Variants in KCNK10 observed in about 807,000 individuals in gnomAD.
KCNK10 encodes the protein potassium two pore domain channel subfamily K member 10, also known as potassium channel subfamily K member 10.
KCNK10 carries 25 observed loss-of-function variants against 47.7 expected under a neutral mutation model. That is an observed-to-expected ratio of 0.52 (90% confidence interval 0.38 to 0.73). KCNK10 has a LOEUF of 0.73. Ranked by LOEUF, KCNK10 falls within the 30% of genes least tolerant of loss-of-function variation. The pLI, the probability that KCNK10 is intolerant of heterozygous loss-of-function variation, is 0.00. For synonymous variants in KCNK10, 303 were observed against 285.6 expected (o/e 1.06, Z -0.61); for missense variants, 563 against 714.5 (o/e 0.79, Z 2.42).
intron 1 of KCNK10, among the ~76,000 whole-genome samples, chr14:88,304,049 T>A (rs1888159775): frequency 6.6e-6 from 1 of 152,088 alleles, no homozygotes; most frequent in Non-Finnish European, 1.5e-5. Flanking sequence ...GAACACACGT[T>A]TAATAAATAT....
chr14:88,293,458 G>A (rs1402274196), intron 1 of KCNK10, among the ~76,000 whole-genome samples: 1 of 152,112 alleles, frequency 6.6e-6, no homozygotes, highest in Non-Finnish European at 1.5e-5. Context: ...CAGTCCACAA[G>A]CCTAGGAATC....
rs963803377 is a variant in KCNK10, at chr14:88,180,541, G to A, written c.*4994C>T. The stretch of plus-strand genomic sequence containing the variant: ...TGCAGCATAGGTCTGCTGAATCGAC[G>A]GAGCAGGAGTCCTCTCAAAATAATT... On this transcript the variant is annotated 3_prime_UTR_variant, in exon 7 of 7. Transcript: ENST00000319231. The A allele has an allele frequency of 9.7e-5, 34 of 349,208 alleles. No homozygotes were observed. Among genetic ancestry groups the A allele is most frequent in the African/African-American group, 6.1e-4 (29 of 47,390 alleles). 21.6% of individuals were successfully genotyped at this position (349,208 alleles called of 1,614,324 possible).
chr14:88,238,641 T>G (rs1046231724), intron 3 of KCNK10, among the ~76,000 whole-genome samples: 1 of 152,166 alleles, frequency 6.6e-6, no homozygotes, highest in Non-Finnish European at 1.5e-5. Context: ...ACCACTGCAC[T>G]CCTGCGTGGG....
At chr14:88,325,020 C>T (rs780873701), upstream of KCNK10, among the ~76,000 whole-genome samples, 1 of 152,144 alleles carries the variant, frequency 6.6e-6, no homozygotes, top group Admixed American at 6.5e-5. Context: ...AGGCAGGTTC[C>T]CGGGTGCTTC....
chr14:88,244,127 G>C (rs1453434737), intron 2 of KCNK10, among the ~76,000 whole-genome samples: 1 of 152,028 alleles, frequency 6.6e-6, no homozygotes, highest in African/African-American at 2.4e-5. Context: ...CTGAGAATGA[G>C]GTTTGATTTT....
intron 3 of KCNK10, among the ~76,000 whole-genome samples, chr14:88,228,655 G>A (rs1029763938): frequency 2.0e-5 from 3 of 152,130 alleles, no homozygotes; most frequent in Admixed American, 6.5e-5. Context: ...ATAAAAAAAC[G>A]TTGATGGTTA....
rs1566724928 is a variant in KCNK10, at chr14:88,323,250, A to T, written c.-452T>A. 23 of 988,692 alleles carry T rather than the reference A, an allele frequency of 2.3e-5. No homozygotes were observed. The highest frequency in any genetic ancestry group is 2.6e-5 in the Non-Finnish European group (22 of 832,318). 61.2% of individuals were successfully genotyped at this position (988,692 alleles called of 1,614,324 possible). ...CTCCCGCACACACACACCCGCACAC[A>T]CACTCCCGGGCGCGCGCTTGGGCGG... On this transcript the variant is annotated 5_prime_UTR_variant, in exon 1 of 7. Transcript: ENST00000319231.
chr14:88,215,089 T>C (rs1300027612), intron 4 of KCNK10, among the ~76,000 whole-genome samples: 2 of 152,116 alleles, frequency 1.3e-5, no homozygotes, highest in African/African-American at 4.8e-5. Context: ...GAAACAATAA[T>C]GATCTCTTTG....
Position 88,263,573 on chromosome 14 carries a change from CAAA to C in KCNK10, c.53-25_53-23del, listed in dbSNP as rs751897064. 14 of 1,589,416 alleles carry C rather than the reference CAAA, an allele frequency of 8.8e-6. No individual in the cohort carries two copies. In the East Asian group the frequency reaches 3.1e-4, roughly 36 times the overall value. ...GCCACTGAGGAGTCAGGGTGGGGGA[CAAA>C]GAAGAAGAGAGTTTGTTTATAAATA... On this transcript the variant is annotated intron_variant, in intron 1 of 6. Transcript: ENST00000319231.
rs78972928 is a variant in KCNK10, at chr14:88,268,309, G to A, written c.53-4758C>T. On this transcript the variant is annotated intron_variant, in intron 1 of 6. Transcript: ENST00000319231. ...GGAGCAGCCCGGGAGCAACGTACCC[G>A]CAGTGCAAGCCCAGCTGTGGAGATC... Among the ~76,000 whole-genome samples the A allele has an allele frequency of 3.5e-4, 53 of 152,302 alleles. No homozygotes were observed. The East Asian group carries it at 8.5e-3, about 24-fold the overall frequency.
chr14:88,257,977 C>T (rs557816566), intron 2 of KCNK10, among the ~76,000 whole-genome samples: 4 of 152,160 alleles, frequency 2.6e-5, no homozygotes, highest in Non-Finnish European at 4.4e-5. Flanking sequence ...ATGTCTATAG[C>T]ACCTCCCCAG....
At chr14:88,219,913 T>G (rs373339578) in intron 4 of KCNK10, among the ~76,000 whole-genome samples, 2 of 152,228 alleles carry the variant, frequency 1.3e-5, no homozygotes, top group South Asian at 4.1e-4. Flanking sequence ...TGGTCCATTA[T>G]GGCAATACTA....
At chr14:88,277,434 G>A (rs766897958) in intron 1 of KCNK10, among the ~76,000 whole-genome samples, 2 of 152,166 alleles carry the variant, frequency 1.3e-5, no homozygotes, top group Non-Finnish European at 2.9e-5. Context: ...TACTGCAAAT[G>A]CATCTATCAG....
chr14:88,274,548 C>CAAAAAAAAAAAA (rs1566711371), intron 1 of KCNK10, among the ~76,000 whole-genome samples: 3 of 1,394 alleles, frequency 2.2e-3, no homozygotes, highest in East Asian at 0.083. Flanking sequence ...GAGACTCTAT[C>CAAAAAAAAAAAA]TAAAAAAAAA....
intron 2 of KCNK10, among the ~76,000 whole-genome samples, chr14:88,251,719 G>T (rs943380646): frequency 2.0e-5 from 3 of 152,344 alleles, no homozygotes; most frequent in Admixed American, 2.0e-4. Flanking sequence ...GCTTCACAGT[G>T]CTCTTAAGAT....
chr14:88,197,106 A>T (rs1884937990), intron 4 of KCNK10, among the ~76,000 whole-genome samples: 2 of 152,200 alleles, frequency 1.3e-5, no homozygotes, highest in African/African-American at 4.8e-5. Flanking sequence ...CACAGAAAAA[A>T]GTTTATATCC....
chr14:88,248,414 T>A (rs952780857), intron 2 of KCNK10, among the ~76,000 whole-genome samples: 1 of 152,196 alleles, frequency 6.6e-6, no homozygotes, highest in African/African-American at 2.4e-5. Flanking sequence ...TTTTGAGTGA[T>A]CAATATTAAT....
intron 3 of KCNK10, among the ~76,000 whole-genome samples, chr14:88,230,294 T>A (rs1045657639): frequency 6.6e-6 from 1 of 152,110 alleles, no homozygotes; most frequent in Non-Finnish European, 1.5e-5. Flanking sequence ...TGTTCTCCCA[T>A]AGCACCCACA....
chr14:88,223,807 T>C (rs1885897150), intron 4 of KCNK10, among the ~76,000 whole-genome samples: 2 of 152,206 alleles, frequency 1.3e-5, no homozygotes, highest in African/African-American at 4.8e-5. Context: ...CTTAGTGGCA[T>C]GTCTTTTCTG....
Sources: gnomAD v4.1 joint callset for allele counts (sites outside exome capture counted in the v4.1 genomes callset) on GRCh38, gnomAD v4.1.1 for gene constraint, MANE v1.5 for transcripts, NCBI Gene and HGNC (gene_info 2026-07-23, HGNC 2026-07-21) for gene names.